Variants in RANBP2 observed in about 807,000 individuals in gnomAD.
The protein encoded by RANBP2 is RAN binding protein 2.
RANBP2 carries 57 observed loss-of-function variants against 303.6 expected under a neutral mutation model. The observed-to-expected ratio is 0.19, with a 90% CI of 0.15 to 0.23. RANBP2 has a LOEUF of 0.23. RANBP2 is among the 10% of genes least tolerant of loss of function. The pLI, the probability that RANBP2 is intolerant of heterozygous loss-of-function variation, is 1.00. For synonymous variants in RANBP2, 1,167 were observed against 1,301.5 expected (o/e 0.90, Z 2.23); for missense variants, 3,138 against 3,780.8 (o/e 0.83, Z 4.46).
At chr2:109,437,765 G>T in the RANBP2 span, among the ~76,000 whole-genome samples, 3 of 152,194 alleles carry the variant, frequency 2.0e-5, no homozygotes, top group Admixed American at 2.0e-4. Flanking sequence ...GAGATGAAAA[G>T]AAATTATGGG....
At chr2:109,053,083 G>A in the RANBP2 span, among the ~76,000 whole-genome samples, 1 of 152,138 alleles carries the variant, frequency 6.6e-6, no homozygotes, top group Non-Finnish European at 1.5e-5. Context: ...TTCTCTGGAG[G>A]GTGAGGGCGC....
At chr2:108,823,548 G>T in the RANBP2 span, among the ~76,000 whole-genome samples, 13 of 152,210 alleles carry the variant, frequency 8.5e-5, no homozygotes, top group Non-Finnish European at 1.8e-4. Flanking sequence ...GCTATATTAG[G>T]TAGCCTGTTG....
the RANBP2 span, among the ~76,000 whole-genome samples, chr2:109,672,436 C>T: frequency 6.6e-6 from 1 of 151,364 alleles, no homozygotes; most frequent in Admixed American, 6.6e-5. Context: ...TGGTTCATCA[C>T]CACATCTTTG....
the RANBP2 span, among the ~76,000 whole-genome samples, chr2:108,987,555 G>T: frequency 6.6e-6 from 1 of 152,246 alleles, no homozygotes; most frequent in Non-Finnish European, 1.5e-5. Context: ...CCAGGTAGTG[G>T]CCAGGGAGTG....
the RANBP2 span, among the ~76,000 whole-genome samples, chr2:109,450,488 A>G: frequency 1.3e-5 from 2 of 152,248 alleles, no homozygotes; most frequent in Non-Finnish European, 1.5e-5. Flanking sequence ...GCAAACCTCA[A>G]ATCTAATTTT....
At chr2:109,716,791 T>C in the RANBP2 span, among the ~76,000 whole-genome samples, 1 of 151,820 alleles carries the variant, frequency 6.6e-6, no homozygotes, top group Non-Finnish European at 1.5e-5. Context: ...TCAAGCAATC[T>C]GCCCACCTCT....
At chr2:108,869,076 G>A in the RANBP2 span, among the ~76,000 whole-genome samples, 6,731 of 151,626 alleles carry the variant, frequency 0.044, 217 homozygotes, top group Non-Finnish European at 0.07. Context: ...TATTGTACAT[G>A]CTCAAGCAGA....
rs1677856070 is a variant in RANBP2 at position 108,775,916 on chromosome 2, A to G, written c.8477A>G (p.Asp2826Gly). 6.2e-7 allele frequency: 1 copy of G among 1,611,070 alleles called. No homozygotes were observed. Among genetic ancestry groups the G allele is most frequent in the Non-Finnish European group, 8.5e-7 (1 of 1,179,768 alleles). The change falls in exon 24 of 29, where the codon GAT becomes GGT. Residue 2826 changes from aspartate to glycine, a missense_variant. Physicochemically the swap from Asp to Gly is moderately conservative, Grantham distance 94. Around this residue, in one of 20 missense-constraint regions of RANBP2, gnomAD observed 497 missense variants for 465.8 expected, o/e 1.07. Coordinates refer to ENST00000283195, the MANE Select transcript of RANBP2 (RefSeq NM_006267.5). ...GATTTGTCAACTAGAAAGGAAATTG[A>G]TACAGATTCTACAAGCCAAGGTAAA... is the stretch of plus-strand genomic sequence containing the variant. ...PVDLSTRKEIDTDSTSQGESK... is the reference protein window; with the variant it reads ...PVDLSTRKEIGTDSTSQGESK...
the RANBP2 span, among the ~76,000 whole-genome samples, chr2:108,935,506 T>C: frequency 6.6e-6 from 1 of 152,224 alleles, no homozygotes; most frequent in Admixed American, 6.5e-5. Flanking sequence ...AACATCTTGC[T>C]GAGGTGGGGA....
At chr2:109,515,597 G>T in the RANBP2 span, among the ~76,000 whole-genome samples, 5 of 152,186 alleles carry the variant, frequency 3.3e-5, no homozygotes, top group Non-Finnish European at 1.5e-5. Context: ...CCCCAAACTC[G>T]GCCATGGCTA....
chr2:108,766,007 T>G lies in RANBP2; in HGVS notation c.5468T>G (p.Leu1823Arg). Residue 1823 changes from leucine to arginine, a missense_variant, in exon 20 of 29, where the codon CTG (leucine) becomes CGG (arginine). Leu to Arg is a moderately radical substitution (Grantham distance 102). Around this residue, in one of 20 missense-constraint regions of RANBP2, gnomAD observed 348 missense variants for 360.4 expected, o/e 0.97. Transcript: ENST00000283195. ...GCAGAAGCTCCTTCAGCTTTCACAC[T>G]GGGCTCAGAAATGAAGTTGCATGAC... ...PIAEAPSAFT[L>R]GSEMKLHDSS... 1.2e-6 allele frequency: 2 copies of G among 1,614,166 alleles called. No individual in the cohort carries two copies. The highest frequency in any genetic ancestry group is 1.7e-6 in the Non-Finnish European group (2 of 1,179,996).
At chr2:108,772,385 A>G in intron 21 of RANBP2, 104 bp from the exon 22 acceptor site, 3 of 859,356 alleles carry the variant, frequency 3.5e-6, no homozygotes, top group Non-Finnish European at 5.7e-6. Flanking sequence ...ATTGGCTGCA[A>G]TTCAGATGTG....
chr2:109,355,947 G>C, the RANBP2 span, among the ~76,000 whole-genome samples: 1 of 152,308 alleles, frequency 6.6e-6, no homozygotes. Flanking sequence ...GCCATGAAAA[G>C]TTGCCATTGT....
the RANBP2 span, among the ~76,000 whole-genome samples, chr2:109,258,984 A>G: frequency 9.2e-5 from 14 of 152,248 alleles, no homozygotes; most frequent in African/African-American, 3.1e-4. Context: ...TGCCCTCTCT[A>G]GCTGGGTGAA....
chr2:109,052,272 G>A, the RANBP2 span, among the ~76,000 whole-genome samples: 1 of 152,186 alleles, frequency 6.6e-6, no homozygotes, highest in Non-Finnish European at 1.5e-5. Context: ...CCTAAGAAAT[G>A]TCAGAAAGTC....
the RANBP2 span, among the ~76,000 whole-genome samples, chr2:109,227,896 T>C: frequency 6.6e-6 from 1 of 152,254 alleles, no homozygotes; most frequent in African/African-American, 2.4e-5. Flanking sequence ...CAGTTCCCTG[T>C]AGGCTTCATG....
the RANBP2 span, among the ~76,000 whole-genome samples, chr2:109,153,133 T>C: frequency 1.3e-5 from 2 of 152,266 alleles, no homozygotes; most frequent in South Asian, 4.2e-4. Flanking sequence ...AAGGAATCAG[T>C]GGGGCAAATA....
At chr2:108,798,714 C>T in the RANBP2 span, 1 of 264,478 alleles carries the variant, frequency 3.8e-6, no homozygotes, top group Non-Finnish European at 7.9e-6. Context: ...CGCCTACACA[C>T]ACACACACAC....
the RANBP2 span, among the ~76,000 whole-genome samples, chr2:109,253,077 G>A: frequency 6.6e-6 from 1 of 152,044 alleles, no homozygotes; most frequent in African/African-American, 2.4e-5. Context: ...GCCCAGGCTG[G>A]AGTGCAGTGG....
Sources: gnomAD v4.1 joint callset for allele counts (sites outside exome capture counted in the v4.1 genomes callset) on GRCh38, gnomAD v4.1.1 for gene constraint, gnomAD v4.1.1 regional missense constraint, MANE v1.5 for transcripts, NCBI Gene and HGNC (gene_info 2026-07-23, HGNC 2026-07-21) for gene names.